Variants in PTPRS observed in about 807,000 individuals in gnomAD.
The protein encoded by PTPRS is receptor-type tyrosine-protein phosphatase S.
A neutral mutation model predicts 215.3 loss-of-function variants in PTPRS; 63 were observed. The observed-to-expected ratio is 0.29, with a 90% CI of 0.24 to 0.36. The LOEUF (loss-of-function observed/expected upper bound fraction) is 0.36. Ranked by LOEUF, PTPRS falls within the 10% of genes least tolerant of loss-of-function variation. The pLI, the probability that PTPRS is intolerant of heterozygous loss-of-function variation, is 1.00. For missense variants in PTPRS, 2,258 were observed against 2,825.8 expected (o/e 0.80, Z 4.56); for synonymous variants, 1,404 against 1,191.4 (o/e 1.18, Z -3.68).
chr19:5,212,888 C>A (rs114307127), intron 30 of PTPRS, among the ~76,000 whole-genome samples: 3 of 151,696 alleles, frequency 2.0e-5, no homozygotes, highest in Non-Finnish European at 2.9e-5. Context: ...ACCATGTCCC[C>A]AAGTGCCTGA....
At chr19:5,227,971 C>T (rs1172468726) in intron 16 of PTPRS, among the ~76,000 whole-genome samples, 1 of 152,086 alleles carries the variant, frequency 6.6e-6, no homozygotes, top group African/African-American at 2.4e-5. Context: ...TGCCTGGGAA[C>T]TGTGGGGTAG....
chr19:5,317,322 A>G (rs937077368), intron 1 of PTPRS, among the ~76,000 whole-genome samples: 2 of 152,178 alleles, frequency 1.3e-5, no homozygotes, highest in Non-Finnish European at 2.9e-5. Context: ...AAATACAAAA[A>G]TTAGCCAGGC....
chr19:5,219,008 C>A (rs2041741878), intron 23 of PTPRS: 4 of 637,396 alleles, frequency 6.3e-6, no homozygotes. Flanking sequence ...TGGGATGTGC[C>A]CCATGGGGCC....
chr19:5,305,140 G>A (rs929746471), intron 1 of PTPRS, among the ~76,000 whole-genome samples: 17 of 152,180 alleles, frequency 1.1e-4, no homozygotes, highest in African/African-American at 4.1e-4. Flanking sequence ...CACTTAGCAG[G>A]AGCAAAACAC....
At position 5,231,600 on chromosome 19, in the gene PTPRS, G is replaced by T; in HGVS notation, c.1865C>A (p.Pro622His). The change falls in exon 14 of 38, where the codon CCT becomes CAT. Residue 622 changes from proline to histidine, a missense_variant. Pro to His is a moderately conservative substitution (Grantham distance 77). This residue lies in a region of PTPRS where 371 missense variants were observed against 446.7 expected (regional missense o/e 0.83). Transcript: ENST00000262963. Reference protein sequence around the residue: ...RTLQSKPSAPPQDVKCVSVRS... With the variant: ...RTLQSKPSAPHQDVKCVSVRS... ...CACGCTGACACATTTAACGTCTTGA[G>T]GGGGGGCTGACGGTTCTATTGGAGG... is the stretch of plus-strand genomic sequence containing the variant. 1.3e-6 allele frequency: 2 copies of T among 1,501,916 alleles called. No individual in the cohort carries two copies. Among genetic ancestry groups the T allele is most frequent in the South Asian group, 1.2e-5 (1 of 82,020 alleles). 93.0% of individuals were successfully genotyped at this position (1,501,916 alleles called of 1,614,324 possible).
At chr19:5,206,893 C>T (rs879628713) in intron 37 of PTPRS, 51 bp from the exon 38 acceptor site, 1 of 1,557,026 alleles carries the variant, frequency 6.4e-7, no homozygotes, top group Non-Finnish European at 8.9e-7. Flanking sequence ...TAACGCCTCC[C>T]AGGGCTCCCT....
rs949314992 is a variant in PTPRS at position 5,222,364 on chromosome 19, TGGCCCTGGCCC to T, written c.3104-155_3104-145del. The stretch of plus-strand genomic sequence containing the variant: ...TGCCCATGCCCACGGCCTTCCTGCC[TGGCCCTGGCCC>T]GGCCCTGCCCTGTCCTGTCCCAAGT... On this transcript the variant is annotated intron_variant, in intron 18 of 37. Coordinates refer to ENST00000262963, the MANE Select transcript of PTPRS (RefSeq NM_002850.4). The T allele has an allele frequency of 1.4e-5, 10 of 730,924 alleles. No individual in the cohort carries two copies. The African/African-American group carries it at 1.4e-4, about 10-fold the overall frequency. The allele number at this position is 730,924 out of a possible 1,614,324, so 45.3% of individuals were successfully genotyped here. A position where few individuals can be genotyped will look rare whatever the true frequency, so the allele number is the denominator to read the frequency against.
At chr19:5,312,521 C>G (rs957756360) in intron 1 of PTPRS, among the ~76,000 whole-genome samples, 19 of 151,884 alleles carry the variant, frequency 1.3e-4, no homozygotes, top group African/African-American at 3.9e-4. Context: ...ATTAGCCAGG[C>G]GTGGTGGCGC....
At chr19:5,218,822 T>G in intron 23 of PTPRS, 24 bp from the exon 24 acceptor site, 1 of 1,588,404 alleles carries the variant, frequency 6.3e-7, no homozygotes, top group Non-Finnish European at 8.6e-7. Flanking sequence ...CAGACACAGG[T>G]GAGAAGGGGG....
intron 12 of PTPRS, among the ~76,000 whole-genome samples, chr19:5,239,714 G>C (rs1158059790): frequency 6.6e-6 from 1 of 151,410 alleles, no homozygotes; most frequent in African/African-American, 2.4e-5. Flanking sequence ...AATAGAGAGA[G>C]AGGAGAAAGA....
At chr19:5,288,418 G>A (rs2048541317) in intron 1 of PTPRS, among the ~76,000 whole-genome samples, 1 of 152,226 alleles carries the variant, frequency 6.6e-6, no homozygotes. Flanking sequence ...ACCAGTTGGG[G>A]ACTGGGAAGA....
intron 26 of PTPRS, among the ~76,000 whole-genome samples, chr19:5,216,229 A>T (rs1016769075): frequency 1.3e-5 from 2 of 152,044 alleles, no homozygotes; most frequent in African/African-American, 2.4e-5. Context: ...TTATCCTTTC[A>T]AGCCCCCTAG....
chr19:5,275,093 CAG>C (rs1299588699), intron 2 of PTPRS, among the ~76,000 whole-genome samples: 1 of 149,022 alleles, frequency 6.7e-6, no homozygotes, highest in Non-Finnish European at 1.5e-5. Context: ...TTTTTCCAGA[CAG>C]TGTCTCACTC....
intron 19 of PTPRS, among the ~76,000 whole-genome samples, chr19:5,221,872 C>T (rs912641500): frequency 1.3e-5 from 2 of 152,190 alleles, no homozygotes; most frequent in African/African-American, 4.8e-5. Flanking sequence ...CCCAGCTAAG[C>T]CACAATCCAA....
intron 1 of PTPRS, among the ~76,000 whole-genome samples, chr19:5,328,678 C>G (rs1025775042): frequency 6.6e-6 from 1 of 152,104 alleles, no homozygotes; most frequent in Non-Finnish European, 1.5e-5. Flanking sequence ...AGCTTTAATC[C>G]CAGCACTTTG....
intron 25 of PTPRS, among the ~76,000 whole-genome samples, chr19:5,217,821 A>AGAT (rs1416268415): frequency 5.9e-5 from 9 of 152,196 alleles, no homozygotes; most frequent in Non-Finnish European, 1.0e-4. Flanking sequence ...AAGAGGGAGG[A>AGAT]GATGGTAGAG....
chr19:5,238,744 T>C (rs1599605631), intron 13 of PTPRS, among the ~76,000 whole-genome samples, 175 bp downstream of exon 13: 5 of 152,198 alleles, frequency 3.3e-5, no homozygotes, highest in Admixed American at 3.3e-4. Flanking sequence ...CTGATGGGGA[T>C]ACTGAGGCAC....
At chr19:5,253,986 C>T (rs537250618) in intron 9 of PTPRS, among the ~76,000 whole-genome samples, 6 of 152,140 alleles carry the variant, frequency 3.9e-5, no homozygotes, top group Non-Finnish European at 7.4e-5. Flanking sequence ...TTCAAGGTCA[C>T]GTAGCCAGGG....
At chr19:5,240,074 G>C (rs2145870906) in intron 12 of PTPRS, 125 bp downstream of exon 12, 3 of 1,140,576 alleles carry the variant, frequency 2.6e-6, no homozygotes, top group Non-Finnish European at 3.5e-6. Context: ...GAAGCAGAAG[G>C]GGTGAGGAAG....
Sources: gnomAD v4.1 joint callset for allele counts (sites outside exome capture counted in the v4.1 genomes callset) on GRCh38, gnomAD v4.1.1 for gene constraint, gnomAD v4.1.1 regional missense constraint, MANE v1.5 for transcripts, NCBI Gene and HGNC (gene_info 2026-07-23, HGNC 2026-07-21) for gene names.